Variants in FAM98B observed in about 807,000 individuals in gnomAD.
FAM98B encodes tRNA-splicing ligase complex subunit FAM98B.
In FAM98B, 32 loss-of-function variants were observed where a neutral mutation model predicts 43.9. The ratio of observed to expected loss-of-function variants is 0.73; its 90% CI spans 0.55 to 0.98. The LOEUF (loss-of-function observed/expected upper bound fraction) is 0.98. Among genes scored for constraint, FAM98B ranks in the 50% least tolerant of loss-of-function variants. The probability of loss-of-function intolerance (pLI) is 0.00; values close to 1 mark genes in which losing one functional copy is unlikely to be tolerated. For synonymous variants in FAM98B, 190 were observed against 174.0 expected (o/e 1.09, Z -0.72); for missense variants, 514 against 522.9 (o/e 0.98, Z 0.17).
At chr15:38,466,412 A>G (rs1175385550) in intron 3 of FAM98B, among the ~76,000 whole-genome samples, 1 of 152,116 alleles carries the variant, frequency 6.6e-6, no homozygotes, top group Middle Eastern at 3.2e-3. Context: ...ACAGAAAGGA[A>G]CCTAGGAAAC....
At chr15:38,484,216 G>A (rs377611475) in intron 7 of FAM98B, 39 bp from the exon 8 acceptor site, 3 of 1,527,534 alleles carry the variant, frequency 2.0e-6, no homozygotes, top group Non-Finnish European at 2.6e-6. Context: ...AAACTTTTTT[G>A]AAATATTAGG....
In FAM98B at chr15:38,481,379, G is replaced by A. The variant is rs1890283615; in HGVS notation, c.817G>A (p.Ala273Thr). The change falls in exon 7 of 8, where the codon GCT (alanine) becomes ACT (threonine). Residue 273 changes from alanine to threonine, a missense_variant. This residue lies in a region of FAM98B where 469 missense variants were observed against 451.8 expected (regional missense o/e 1.04). Transcript: ENST00000397609. The part of the protein sequence containing the change: ...KTTITMAHLL[A>T]AREDLSKIIR... Reference sequence around the variant, plus strand: ...AACGATTACAATGGCACATCTACTTGCTGCTCGTGAAGATCTATCCAAGAT... The same window carrying A: ...AACGATTACAATGGCACATCTACTTACTGCTCGTGAAGATCTATCCAAGAT... 1.2e-6 allele frequency: 2 copies of A among 1,614,130 alleles called. No homozygotes were observed. The highest frequency in any genetic ancestry group is 2.2e-5 in the East Asian group (1 of 44,876).
At chr15:38,460,191 A>C (rs1200855050) in intron 1 of FAM98B, among the ~76,000 whole-genome samples, 2 of 152,214 alleles carry the variant, frequency 1.3e-5, no homozygotes, top group African/African-American at 4.8e-5. Context: ...TGTTTGGAAT[A>C]ACAGTAGCAC....
At chr15:38,467,791 G>A (rs1476803483) in intron 3 of FAM98B, among the ~76,000 whole-genome samples, 1 of 152,218 alleles carries the variant, frequency 6.6e-6, no homozygotes, top group African/African-American at 2.4e-5. Flanking sequence ...GTACATTAAT[G>A]CAGTGATGTC....
rs756055893 is a variant in FAM98B, at chr15:38,465,261, T to C, written c.218-8T>C. On this transcript the variant is annotated splice_polypyrimidine_tract_variant and splice_region_variant and intron_variant, in intron 2 of 7. Coordinates refer to ENST00000397609, the MANE Select transcript of FAM98B (RefSeq NM_173611.4). ...CAGTAAATGTTTTATGATTTTTCTT[T>C]TTTAAAGGAAGAGATGATCTAGAGA... 1.9e-6 allele frequency: 3 copies of C among 1,597,396 alleles called. No homozygotes were observed. The East Asian group carries it at 6.7e-5, about 36-fold the overall frequency.
At position 38,485,460 on chromosome 15, in the gene FAM98B, A is replaced by C. The variant is rs2141064658; in HGVS notation, c.*801A>C. The C allele has an allele frequency of 6.6e-6, 1 of 152,372 alleles. No homozygotes were observed. Among genetic ancestry groups the C allele is most frequent in the African/African-American group, 2.4e-5 (1 of 41,582 alleles). The allele number at this position is 152,372 out of a possible 1,614,324, so 9.4% of individuals were successfully genotyped here. ...TTTAGATATCCAAATATTAAAAGGC[A>C]GGCTGACCTGTATCACACAGAATTA... On this transcript the variant is annotated 3_prime_UTR_variant, in exon 8 of 8. Transcript: ENST00000397609.
chr15:38,467,807 A>G (rs1890061295), intron 3 of FAM98B, among the ~76,000 whole-genome samples: 1 of 152,218 alleles, frequency 6.6e-6, no homozygotes, highest in Non-Finnish European at 1.5e-5. Flanking sequence ...ATGTCACTAG[A>G]TAGGTAATAG....
At chr15:38,473,431 ATACTT>A in intron 4 of FAM98B, 69 bp from the exon 5 acceptor site, 2 of 1,058,378 alleles carry the variant, frequency 1.9e-6, no homozygotes, top group Non-Finnish European at 2.8e-6. Context: ...GTTCAGAGCG[ATACTT>A]TAAACAAGCA....
chr15:38,455,691 AG>A (rs1056940378), intron 1 of FAM98B, among the ~76,000 whole-genome samples: 1 of 152,232 alleles, frequency 6.6e-6, no homozygotes, highest in Non-Finnish European at 1.5e-5. Context: ...TGAGCTCCCA[AG>A]TACTTCAGGT....
rs552186711 is a variant in FAM98B, at chr15:38,468,306, G to A, written c.353-1921G>A. Among the ~76,000 whole-genome samples the A allele has an allele frequency of 3.3e-5, 5 of 152,178 alleles. No homozygotes were observed. In the South Asian group the frequency reaches 1.0e-3, roughly 32 times the overall value. On this transcript the variant is annotated intron_variant, in intron 3 of 7. Coordinates refer to ENST00000397609, the MANE Select transcript of FAM98B (RefSeq NM_173611.4). ...GCTGGAGTGTGATGGTGCGATTGTA[G>A]CCCCTCAAACTCTGGAGCTCAAGCG... is the stretch of plus-strand genomic sequence containing the variant.
rs1418501631 is a variant in FAM98B at position 38,486,216 on chromosome 15, A to G, written c.*1557A>G. On this transcript the variant is annotated 3_prime_UTR_variant, in exon 8 of 8. Coordinates refer to ENST00000397609, the MANE Select transcript of FAM98B (RefSeq NM_173611.4). ...TATAAAATTTTTTGGTTATTTGTAA[A>G]TTTATTTTTTGTGTGTTTATATTTA... The G allele has an allele frequency of 1.3e-5, 2 of 152,096 alleles. No homozygotes were observed. The highest frequency in any genetic ancestry group is 2.4e-5 in the African/African-American group (1 of 41,426). The allele number at this position is 152,096 out of a possible 1,614,324, so 9.4% of individuals were successfully genotyped here.
chr15:38,454,177 C>T lies in FAM98B; in HGVS notation c.16C>T (p.Pro6Ser). 1 of 1,600,878 alleles carries T rather than the reference C, an allele frequency of 6.2e-7. No individual in the cohort carries two copies. Among genetic ancestry groups the T allele is most frequent in the Non-Finnish European group, 8.5e-7 (1 of 1,175,194 alleles). ...CCAAAGGACCATGAGAGGGCCGGAG[C>T]CGGGTCCCCAACCGACGATGGAGGG... MRGPE[P>S]GPQPTMEGDV... Residue 6 changes from proline to serine, a missense_variant, in exon 1 of 8, where the codon CCG (proline) becomes TCG (serine). Physicochemically the swap from Pro to Ser is moderately conservative, Grantham distance 74. Coordinates refer to ENST00000397609, the MANE Select transcript of FAM98B (RefSeq NM_173611.4).
chr15:38,459,889 A>T (rs1318193858), intron 1 of FAM98B, among the ~76,000 whole-genome samples: 1 of 152,378 alleles, frequency 6.6e-6, no homozygotes, highest in Non-Finnish European at 1.5e-5. Context: ...TGTGTTGTAG[A>T]TGAAAGATAG....
chr15:38,454,317 T>G, intron 1 of FAM98B, 85 bp downstream of exon 1: 1 of 1,432,144 alleles, frequency 7.0e-7, no homozygotes, highest in Non-Finnish European at 9.6e-7. Context: ...TGGGCCTCTG[T>G]GGGCCTGGGC....
Position 38,470,286 on chromosome 15 carries a change from T to C in FAM98B, c.412T>C (p.Ser138Pro). Residue 138 changes from serine to proline, a missense_variant, in exon 4 of 8, where the codon TCT (serine) becomes CCT (proline). Transcript: ENST00000397609. Reference sequence around the variant, plus strand: ...ATTACAGAACAAGAAACATAAAAATTCTCAATTAGATAAAAATAGTGAAGT... The same window carrying C: ...ATTACAGAACAAGAAACATAAAAATCCTCAATTAGATAAAAATAGTGAAGT... ...QILQNKKHKNSQLDKNSEVYQ... is the reference protein window; with the variant it reads ...QILQNKKHKNPQLDKNSEVYQ... 1 of 1,590,910 alleles carries C rather than the reference T, an allele frequency of 6.3e-7. No homozygotes were observed. The highest frequency in any genetic ancestry group is 8.6e-7 in the Non-Finnish European group (1 of 1,167,420).
Position 38,454,277 on chromosome 15 carries a change from C to T in FAM98B, c.71+45C>T, listed in dbSNP as rs371974192. 1.9e-6 allele frequency: 3 copies of T among 1,564,362 alleles called. No homozygotes were observed. In the East Asian group the frequency reaches 6.9e-5, roughly 36 times the overall value. On this transcript the variant is annotated intron_variant, in intron 1 of 7. Coordinates refer to ENST00000397609, the MANE Select transcript of FAM98B (RefSeq NM_173611.4). ...CCTTTTCCCTGAAAACGCAACCTCTCCTTGGCCTGGCTGCTTAGCCTACTT... is the reference window on the plus strand; with the variant it reads ...CCTTTTCCCTGAAAACGCAACCTCTTCTTGGCCTGGCTGCTTAGCCTACTT...
In FAM98B at chr15:38,460,898, CAATTTATATA is replaced by C. The variant is rs560734186; in HGVS notation, c.72-3129_72-3120del. Among the ~76,000 whole-genome samples, 7 of 152,244 alleles carry C rather than the reference CAATTTATATA, an allele frequency of 4.6e-5. No individual in the cohort carries two copies. The East Asian group carries it at 1.4e-3, about 29-fold the overall frequency. On this transcript the variant is annotated intron_variant, in intron 1 of 7. Coordinates refer to ENST00000397609, the MANE Select transcript of FAM98B (RefSeq NM_173611.4). ...AGGGTATTGTGGCAACTAAATGAGA[CAATTTATATA>C]AATTGTTTAGCACTGACCCAACATA... is the stretch of plus-strand genomic sequence containing the variant.
intron 2 of FAM98B, among the ~76,000 whole-genome samples, chr15:38,464,737 G>C (rs1012206874): frequency 1.3e-5 from 2 of 152,074 alleles, no homozygotes; most frequent in Non-Finnish European, 2.9e-5. Context: ...TAAAAATTGT[G>C]CATTCACAAA....
At chr15:38,471,459 A>T (rs1378900268) in intron 4 of FAM98B, among the ~76,000 whole-genome samples, 1 of 152,038 alleles carries the variant, frequency 6.6e-6, no homozygotes, top group East Asian at 1.9e-4. Context: ...TTTCAGATTG[A>T]GACAGATTTC....
Sources: gnomAD v4.1 joint callset for allele counts (sites outside exome capture counted in the v4.1 genomes callset) on GRCh38, gnomAD v4.1.1 for gene constraint, gnomAD v4.1.1 regional missense constraint, MANE v1.5 for transcripts, NCBI Gene and HGNC (gene_info 2026-07-23, HGNC 2026-07-21) for gene names.